Variants in TRPM7 observed in about 807,000 individuals in gnomAD.
The protein encoded by TRPM7 is LTRPC ion channel family member 7.
TRPM7 carries 134 observed loss-of-function variants against 229.7 expected under a neutral mutation model. That is an observed-to-expected ratio of 0.58 (90% CI 0.51 to 0.67). The LOEUF is 0.67. TRPM7 is among the 30% of genes least tolerant of loss of function. The pLI is 0.00. For missense variants in TRPM7, 1,901 were observed against 2,210.0 expected, an observed-to-expected ratio of 0.86 and a Z score of 2.80; for synonymous variants, 699 against 715.2, an observed-to-expected ratio of 0.98 and a Z score of 0.36.
intron 5 of TRPM7, among the ~76,000 whole-genome samples, chr15:50,642,239 G>A (rs113145154): frequency 7.9e-5 from 12 of 152,142 alleles, no homozygotes; most frequent in African/African-American, 2.9e-4. Context: ...GGAAAGTGAT[G>A]GAAATAATGC....
At chr15:50,669,944 T>C (rs941359328) in intron 1 of TRPM7, among the ~76,000 whole-genome samples, 1 of 152,238 alleles carries the variant, frequency 6.6e-6, no homozygotes, top group Non-Finnish European at 1.5e-5. Context: ...TATTTTGCTT[T>C]ACTGTTATGG....
At chr15:50,614,596 C>T (rs531141608) in intron 13 of TRPM7, among the ~76,000 whole-genome samples, 5 of 138,912 alleles carry the variant, frequency 3.6e-5, no homozygotes, top group East Asian at 4.3e-4. Context: ...ACTTGGGAGG[C>T]GGAAGTTGCA....
At chr15:50,679,501 GTATATATATAATATATA>G (rs1213942488) in intron 1 of TRPM7, among the ~76,000 whole-genome samples, 1 of 84,626 alleles carries the variant, frequency 1.2e-5, no homozygotes, top group African/African-American at 4.4e-5. Context: ...ATATATATGT[GTATATATATAATATATA>G]TATATATATA....
rs1361537878 is a variant in TRPM7, at chr15:50,614,234, A to C, written c.1524T>G (p.Thr508=). 19 of 1,609,872 alleles carry C rather than the reference A, an allele frequency of 1.2e-5. No individual in the cohort carries two copies. In the East Asian group the frequency reaches 4.2e-4, roughly 36 times the overall value. Residue 508 remains threonine (T), a synonymous_variant, in exon 14 of 39, where the codon ACT becomes ACG. Coordinates refer to ENST00000646667, the MANE Select transcript of TRPM7 (RefSeq NM_017672.6). ...CAATAACAAGTCCTATATCAATCAGAGTGATCTTATATCCTGGAGGAAGAT... is the reference window on the plus strand; with the variant it reads ...CAATAACAAGTCCTATATCAATCAGCGTGATCTTATATCCTGGAGGAAGAT... ...QGNLPPGYKI[T]LIDIGLVIEY...
intron 22 of TRPM7, among the ~76,000 whole-genome samples, chr15:50,596,926 T>C (rs921971292): frequency 5.3e-5 from 8 of 152,160 alleles, no homozygotes; most frequent in Admixed American, 5.2e-4. Context: ...AATTTTGCAT[T>C]TTTAGTAGAG....
chr15:50,597,252 T>G (rs2059657519), intron 22 of TRPM7, among the ~76,000 whole-genome samples: 1 of 152,172 alleles, frequency 6.6e-6, no homozygotes, highest in Non-Finnish European at 1.5e-5. Context: ...AAGGAAGAGC[T>G]TTAATACCCC....
At chr15:50,642,341 T>C (rs2061127294) in intron 5 of TRPM7, among the ~76,000 whole-genome samples, 1 of 152,236 alleles carries the variant, frequency 6.6e-6, no homozygotes, top group Non-Finnish European at 1.5e-5. Context: ...ACTATTCACC[T>C]CTGCTGTTAC....
Position 50,611,313 on chromosome 15 carries a change from C to G in TRPM7, c.2060G>C (p.Gly687Ala). The G allele has an allele frequency of 1.9e-6, 3 of 1,612,304 alleles. No homozygotes were observed. The highest frequency in any genetic ancestry group is 2.5e-6 in the Non-Finnish European group (3 of 1,179,232). ...EELKQYSNDFGQLAVELLEQS... is the reference protein window; with the variant it reads ...EELKQYSNDFAQLAVELLEQS... ...TTCTAATAATTCAACGGCCAACTGA[C>G]CAAAATCACTATAAAAAGATAAAAG... The change falls in exon 17 of 39, where the codon GGT (glycine) becomes GCT (alanine). Residue 687 changes from glycine to alanine, a missense_variant. Physicochemically the swap from Gly to Ala is moderately conservative, Grantham distance 60. Around this residue, in one of 8 missense-constraint regions of TRPM7, gnomAD observed 794 missense variants for 881.9 expected, o/e 0.90. Transcript: ENST00000646667.
chr15:50,679,333 C>CAAA (rs778078727), intron 1 of TRPM7, among the ~76,000 whole-genome samples: 2 of 137,360 alleles, frequency 1.5e-5, no homozygotes, highest in Admixed American at 1.5e-4. Context: ...AAACACTATC[C>CAAA]AAAAAAAACA....
At chr15:50,590,690 G>A (rs1272543399) in intron 26 of TRPM7, among the ~76,000 whole-genome samples, 1 of 152,170 alleles carries the variant, frequency 6.6e-6, no homozygotes, top group African/African-American at 2.4e-5. Flanking sequence ...CAGGTGTGGT[G>A]GCGTGTGCCT....
intron 22 of TRPM7, among the ~76,000 whole-genome samples, chr15:50,597,845 G>A (rs887705142): frequency 2.0e-5 from 3 of 152,022 alleles, no homozygotes; most frequent in African/African-American, 7.2e-5. Flanking sequence ...CTTGAACCTG[G>A]AAGACAGAGG....
chr15:50,645,524 GT>G (rs2061238384), intron 4 of TRPM7, among the ~76,000 whole-genome samples: 1 of 152,148 alleles, frequency 6.6e-6, no homozygotes, highest in Non-Finnish European at 1.5e-5. Context: ...TAGAGACAGG[GT>G]TTTGCCATGT....
intron 29 of TRPM7, chr15:50,582,456 A>G (rs1332952762): frequency 2.6e-5 from 4 of 152,134 alleles, no homozygotes; most frequent in African/African-American, 9.7e-5. Flanking sequence ...GTTGACTCCC[A>G]TGAGTTCTAA....
At chr15:50,567,982 G>A (rs1311853217) in intron 38 of TRPM7, among the ~76,000 whole-genome samples, 2 of 151,702 alleles carry the variant, frequency 1.3e-5, no homozygotes, top group African/African-American at 4.8e-5. Flanking sequence ...GGGAGGCTGA[G>A]GCCGGAGAAT....
intron 1 of TRPM7, among the ~76,000 whole-genome samples, chr15:50,671,680 C>A (rs557722970): frequency 1.3e-5 from 2 of 152,050 alleles, no homozygotes; most frequent in East Asian, 3.9e-4. Flanking sequence ...CATGTTGGTG[C>A]CTGCCTATAG....
chr15:50,591,960 A>C lies in TRPM7; in HGVS notation c.4275T>G (p.Val1425=), dbSNP rs776034877. 1 of 1,600,972 alleles carries C rather than the reference A, an allele frequency of 6.2e-7. No individual in the cohort carries two copies. Among genetic ancestry groups the C allele is most frequent in the Non-Finnish European group, 8.5e-7 (1 of 1,176,638 alleles). Residue 1425 remains valine, a synonymous_variant, in exon 26 of 39, where the codon GTT becomes GTG. Coordinates refer to ENST00000646667, the MANE Select transcript of TRPM7 (RefSeq NM_017672.6). ...LETGTKDQET[V]CSKATEGDNT... ...TATCTCCTTCTGTAGCTTTAGAGCAAACAGTTTCTTGATCTTTGGTTCCAG... is the reference window on the plus strand; with the variant it reads ...TATCTCCTTCTGTAGCTTTAGAGCACACAGTTTCTTGATCTTTGGTTCCAG...
At position 50,558,612 on chromosome 15, in the gene TRPM7, G is replaced by C. The variant is rs539848584; in HGVS notation, c.*3066C>G. Reference sequence around the variant, plus strand: ...GGAGGCTGAAGCACGAGAATTGCTTGATCTTGGGAGGCAGAGGTTGCAGTG... The same window carrying C: ...GGAGGCTGAAGCACGAGAATTGCTTCATCTTGGGAGGCAGAGGTTGCAGTG... On this transcript the variant is annotated 3_prime_UTR_variant, in exon 39 of 39. Transcript: ENST00000646667. 8.5e-5 allele frequency: 13 copies of C among 152,242 alleles called. No homozygotes were observed. Among genetic ancestry groups the C allele is most frequent in the African/African-American group, 3.1e-4 (13 of 41,522 alleles). 9.4% of individuals were successfully genotyped at this position (152,242 alleles called of 1,614,324 possible). A position where few individuals can be genotyped will look rare whatever the true frequency, so the allele number is the denominator to read the frequency against.
chr15:50,633,025 C>T (rs1466640110), intron 8 of TRPM7, 33 bp from the exon 9 acceptor site: 1 of 1,560,588 alleles, frequency 6.4e-7, no homozygotes, highest in East Asian at 2.3e-5. Context: ...TCACTGATTT[C>T]ATCTTCCATT....
chr15:50,561,973 C>T (rs139240375), intron 38 of TRPM7, among the ~76,000 whole-genome samples, 165 bp from the exon 39 acceptor site: 2,245 of 152,260 alleles, frequency 0.015, 20 homozygotes, highest in Non-Finnish European at 0.023. Context: ...CGGTTCACTG[C>T]AACCTCCACC....
Sources: allele counts gnomAD v4.1 joint callset (sites outside exome capture counted in the v4.1 genomes callset), GRCh38; gene constraint gnomAD v4.1.1; regional missense constraint gnomAD v4.1.1; transcripts MANE v1.5; gene names NCBI Gene and HGNC (gene_info 2026-07-23, HGNC 2026-07-21).